Variants in WWC2 observed in about 807,000 individuals in gnomAD.
WWC2 encodes the protein protein WWC2.
WWC2 carries 101 observed loss-of-function variants against 138.5 expected under a neutral mutation model. The ratio of observed to expected loss-of-function variants is 0.73; its 90% confidence interval spans 0.62 to 0.86. The LOEUF (loss-of-function observed/expected upper bound fraction) is 0.86, where lower values mean the gene tolerates loss of function less well. Among genes scored for constraint, WWC2 ranks in the 40% least tolerant of loss-of-function variants. WWC2 has a pLI of 0.00. For synonymous variants in WWC2, 558 were observed against 538.4 expected (o/e 1.04, Z -0.50); for missense variants, 1,420 against 1,419.4 (o/e 1.00, Z -0.01).
At chr4:183,284,662 C>T (rs1025357206) in intron 19 of WWC2, among the ~76,000 whole-genome samples, 7 of 152,102 alleles carry the variant, frequency 4.6e-5, no homozygotes, top group South Asian at 2.1e-4. Context: ...AGTATTTGTA[C>T]GTTATTTGGA....
At chr4:183,203,071 C>G (rs1735345995) in intron 2 of WWC2, among the ~76,000 whole-genome samples, 2 of 152,226 alleles carry the variant, frequency 1.3e-5, no homozygotes, top group African/African-American at 4.8e-5. Context: ...CCCAGTTAGA[C>G]TGAATACAGG....
chr4:183,308,117 G>A (rs998000208), intron 21 of WWC2, among the ~76,000 whole-genome samples: 2 of 152,090 alleles, frequency 1.3e-5, no homozygotes, highest in East Asian at 1.9e-4. Context: ...TAAAAACAAT[G>A]CCGTTTCCAT....
intron 1 of WWC2, among the ~76,000 whole-genome samples, chr4:183,126,188 G>A (rs1285302033): frequency 6.6e-6 from 1 of 152,212 alleles, no homozygotes; most frequent in Non-Finnish European, 1.5e-5. Context: ...GGAAACCACT[G>A]CCTTGTTCAT....
At chr4:183,171,264 T>C (rs2111163522) in intron 1 of WWC2, among the ~76,000 whole-genome samples, 1 of 152,350 alleles carries the variant, frequency 6.6e-6, no homozygotes, top group South Asian at 2.1e-4. Flanking sequence ...TAACTCTTTA[T>C]AGAATACTTT....
intron 1 of WWC2, among the ~76,000 whole-genome samples, chr4:183,111,204 C>T (rs549448675): frequency 6.6e-6 from 1 of 152,280 alleles, no homozygotes; most frequent in East Asian, 1.9e-4. Flanking sequence ...TGCACTACTG[C>T]ACTCCAGCCT....
intron 1 of WWC2, among the ~76,000 whole-genome samples, chr4:183,136,473 T>C (rs2111084700): frequency 6.6e-6 from 1 of 152,328 alleles, no homozygotes; most frequent in South Asian, 2.1e-4. Context: ...TCTTTATTCA[T>C]TTTTAAGACT....
chr4:183,109,959 TTAAGG>T (rs1440279368), intron 1 of WWC2, among the ~76,000 whole-genome samples: 1 of 152,240 alleles, frequency 6.6e-6, no homozygotes, highest in African/African-American at 2.4e-5. Flanking sequence ...TCTGTTACTC[TTAAGG>T]TAAGAATGAT....
At chr4:183,250,824 C>G (rs1406323659) in intron 8 of WWC2, among the ~76,000 whole-genome samples, 1 of 152,098 alleles carries the variant, frequency 6.6e-6, no homozygotes, top group Non-Finnish European at 1.5e-5. Flanking sequence ...TCATGTTTCT[C>G]CCCATGACCA....
chr4:183,234,212 T>C (rs1276360719), intron 4 of WWC2, among the ~76,000 whole-genome samples: 2 of 152,226 alleles, frequency 1.3e-5, no homozygotes, highest in African/African-American at 4.8e-5. Flanking sequence ...ATCTTCCTGG[T>C]TTTCTGAAAT....
At chr4:183,116,905 A>G (rs897164924) in intron 1 of WWC2, among the ~76,000 whole-genome samples, 11 of 152,210 alleles carry the variant, frequency 7.2e-5, no homozygotes, top group African/African-American at 2.4e-4. Context: ...TAGTTGCTCA[A>G]ATAAATCCTA....
chr4:183,238,662 C>T lies in WWC2; in HGVS notation c.523-1521C>T, dbSNP rs529342286. Among the ~76,000 whole-genome samples the T allele has an allele frequency of 1.4e-4, 21 of 152,252 alleles. No individual in the cohort carries two copies. The South Asian group carries it at 3.9e-3, about 29-fold the overall frequency. On this transcript the variant is annotated intron_variant, in intron 4 of 22. Transcript: ENST00000403733. ...CACAAGCTCTTCCTGTTGAGGACCCCTTCTACCAAGTGAGCCCCACTAACC... is the reference window on the plus strand; with the variant it reads ...CACAAGCTCTTCCTGTTGAGGACCCTTTCTACCAAGTGAGCCCCACTAACC...
chr4:183,253,732 A>G (rs1737047652), intron 8 of WWC2, 25 bp from the exon 9 acceptor site: 1 of 1,598,842 alleles, frequency 6.3e-7, no homozygotes, highest in South Asian at 1.1e-5. Context: ...GTATGTGCAT[A>G]CCTCTTCTAT....
Position 183,282,758 on chromosome 4 carries a change from C to G in WWC2, c.2735C>G (p.Ala912Gly). The G allele has an allele frequency of 6.3e-7, 1 of 1,579,494 alleles. No homozygotes were observed. The highest frequency in any genetic ancestry group is 8.6e-7 in the Non-Finnish European group (1 of 1,162,008). Residue 912 changes from alanine to glycine, a missense_variant, in exon 18 of 23, where the codon GCT becomes GGT. By Grantham distance (60) the Ala-to-Gly change is moderately conservative (BLOSUM62 0). Transcript: ENST00000403733. ...ASDEIVAEKE[A>G]EVKLPEDSSC... is the part of the protein sequence containing the mutation. ...GATGAAATTGTGGCTGAAAAAGAGGCTGAAGTTAAATTGCCAGAGGACAGT... is the reference window on the plus strand; with the variant it reads ...GATGAAATTGTGGCTGAAAAAGAGGGTGAAGTTAAATTGCCAGAGGACAGT...
chr4:183,235,369 A>G (rs1469098768), intron 4 of WWC2, among the ~76,000 whole-genome samples: 1 of 152,178 alleles, frequency 6.6e-6, no homozygotes, highest in East Asian at 1.9e-4. Flanking sequence ...AACACTTAAC[A>G]TGAGATCTGC....
chr4:183,152,385 G>A (rs940044840), intron 1 of WWC2, among the ~76,000 whole-genome samples: 2 of 152,016 alleles, frequency 1.3e-5, no homozygotes, highest in African/African-American at 4.8e-5. Flanking sequence ...TGTACTTCCA[G>A]CTACTTGGGA....
intron 1 of WWC2, among the ~76,000 whole-genome samples, chr4:183,124,536 CT>C (rs370409813): frequency 0.033 from 4,004 of 122,686 alleles, 42 homozygotes; most frequent in Non-Finnish European, 0.038. Flanking sequence ...TCCTTTTTCT[CT>C]TTTTTTTTTT....
intron 4 of WWC2, among the ~76,000 whole-genome samples, chr4:183,238,901 A>C (rs909244034): frequency 6.6e-6 from 1 of 152,166 alleles, no homozygotes; most frequent in Non-Finnish European, 1.5e-5. Context: ...TTTTGTTCAC[A>C]CTCAGGCCTA....
At chr4:183,211,635 C>T (rs891582695) in intron 4 of WWC2, among the ~76,000 whole-genome samples, 4 of 152,092 alleles carry the variant, frequency 2.6e-5, no homozygotes, top group African/African-American at 7.2e-5. Context: ...CCCTTCCGTT[C>T]GATAGATGCT....
intron 21 of WWC2, among the ~76,000 whole-genome samples, chr4:183,306,507 A>G (rs4634266): frequency 0.77 from 117,148 of 151,904 alleles, 45,998 homozygotes; most frequent in Middle Eastern, 0.87. Flanking sequence ...AAAGTTATCC[A>G]GGATTTAAAA....
Sources: gnomAD v4.1 joint callset for allele counts (sites outside exome capture counted in the v4.1 genomes callset) on GRCh38, gnomAD v4.1.1 for gene constraint, MANE v1.5 for transcripts, NCBI Gene and HGNC (gene_info 2026-07-23, HGNC 2026-07-21) for gene names.